KCNQ1: variants seen among roughly 807,000 people sequenced by gnomAD.
KCNQ1 encodes the protein potassium voltage-gated channel subfamily Q member 1, also known as potassium voltage-gated channel subfamily KQT member 1.
In KCNQ1, 49 loss-of-function variants were observed where a neutral mutation model predicts 72.4. The ratio of observed to expected loss-of-function variants is 0.68; its 90% confidence interval spans 0.54 to 0.86. The LOEUF is 0.86. KCNQ1 is among the 40% of genes least tolerant of loss of function. The probability of loss-of-function intolerance (pLI) is 0.00; values close to 1 mark genes in which losing one functional copy is unlikely to be tolerated. For synonymous variants in KCNQ1, 450 were observed against 412.6 expected (o/e 1.09, Z -1.10); for missense variants, 790 against 945.1 (o/e 0.84, Z 2.15).
At chr11:2,692,262 A>G (rs558247294) in intron 11 of KCNQ1, 1 of 398,976 alleles carries the variant, frequency 2.5e-6, no homozygotes, top group South Asian at 1.3e-4. Context: ...AGCCAGGCTT[A>G]CTTCACCCAT....
chr11:2,667,586 C>A (rs1184307824), intron 11 of KCNQ1: 2 of 22,098 alleles, frequency 9.1e-5, no homozygotes, highest in African/African-American at 1.9e-4. Flanking sequence ...GGGGTCGGGG[C>A]GGGGTTGGGC....
chr11:2,677,532 C>CA lies in KCNQ1; in HGVS notation c.1514+15453dup. 2.5e-6 allele frequency: 1 copy of CA among 398,406 alleles called. No individual in the cohort carries two copies. The highest frequency in any genetic ancestry group is 3.6e-5 in the East Asian group (1 of 28,064). The allele number at this position is 398,406 out of a possible 1,614,324, so 24.7% of individuals were successfully genotyped here. Reference sequence around the variant, plus strand: ...TGGAAGTGCTGCCAACATCCTCTGCCAAGTATAAAAGATGCCCTCAGATGT... The same window carrying CA: ...TGGAAGTGCTGCCAACATCCTCTGCCAAAGTATAAAAGATGCCCTCAGATGT... On this transcript the variant is annotated intron_variant, in intron 11 of 15. Coordinates refer to ENST00000155840, the MANE Select transcript of KCNQ1 (RefSeq NM_000218.3). The surrounding 1 kb of genome is among the most constrained non-coding windows in gnomAD (Gnocchi z 4.5).
intron 11 of KCNQ1, among the ~76,000 whole-genome samples, chr11:2,732,757 A>G (rs1252566901): frequency 1.3e-5 from 2 of 151,850 alleles, no homozygotes; most frequent in Non-Finnish European, 2.9e-5. Flanking sequence ...TTGAACAAAC[A>G]TATTTATTGT....
intron 10 of KCNQ1, among the ~76,000 whole-genome samples, chr11:2,604,483 CAAAA>C (rs924239109): frequency 3.3e-5 from 5 of 151,314 alleles, no homozygotes; most frequent in African/African-American, 1.2e-4. Flanking sequence ...TTCAAAAAAA[CAAAA>C]AGAAAGGAAG....
intron 1 of KCNQ1, among the ~76,000 whole-genome samples, chr11:2,452,711 C>T (rs1448594188): frequency 3.3e-5 from 5 of 152,218 alleles, no homozygotes; most frequent in African/African-American, 9.6e-5. Flanking sequence ...ATAAAACATA[C>T]AGCTTTGCTA....
Position 2,526,210 on chromosome 11 carries a change from A to G in KCNQ1, c.387-1718A>G, listed in dbSNP as rs1353825914. Among the ~76,000 whole-genome samples the G allele has an allele frequency of 1.3e-5, 2 of 152,038 alleles. No homozygotes were observed. The highest frequency in any genetic ancestry group is 1.9e-4 in the East Asian group (1 of 5,176). On this transcript the variant is annotated intron_variant, in intron 1 of 15. Transcript: ENST00000155840. This position sits in a 1 kb window ranked among gnomAD's most constrained non-coding sequence, Gnocchi z 6.1. ...TACTGGGGCACGACATGGAGGGTTC[A>G]CTGACTGGCTGGGTGTGTGGGCTGG... is the stretch of plus-strand genomic sequence containing the variant.
chr11:2,527,764 C>T (rs948638595), intron 1 of KCNQ1, among the ~76,000 whole-genome samples, 164 bp from the exon 2 acceptor site: 1 of 152,256 alleles, frequency 6.6e-6, no homozygotes, highest in African/African-American at 2.4e-5. Flanking sequence ...TCGTGCGGAC[C>T]TACCTCTAGT....
rs1849795649 is a variant in KCNQ1 at position 2,653,879 on chromosome 11, G to A, written c.1394-8082G>A. ...AACACTGCACACTAGGAGTGGGAAA[G>A]GAAGAGCCCCCTAAGGAAGATTTGA... On this transcript the variant is annotated intron_variant, in intron 10 of 15. Transcript: ENST00000155840. The surrounding 1 kb of genome is among the most constrained non-coding windows in gnomAD (Gnocchi z 5.3). 1 of 398,556 alleles carries A rather than the reference G, an allele frequency of 2.5e-6. No homozygotes were observed. The highest frequency in any genetic ancestry group is 2.1e-5 in the African/African-American group (1 of 48,636). The allele number at this position is 398,556 out of a possible 1,614,324, so 24.7% of individuals were successfully genotyped here. A position where few individuals can be genotyped will look rare whatever the true frequency, so the allele number is the denominator to read the frequency against.
At position 2,661,558 on chromosome 11, in the gene KCNQ1, G is replaced by A. The variant is rs1849956714; in HGVS notation, c.1394-403G>A. 3 of 543,318 alleles carry A rather than the reference G, an allele frequency of 5.5e-6. No individual in the cohort carries two copies. The highest frequency in any genetic ancestry group is 9.8e-6 in the Non-Finnish European group (3 of 306,418). 33.7% of individuals were successfully genotyped at this position (543,318 alleles called of 1,614,324 possible). ...GACCCACTACTCTGTCAATGTATGA[G>A]TGTGACAATGTATGGTGGTGGGAGC... On this transcript the variant is annotated intron_variant, in intron 10 of 15. Transcript: ENST00000155840. This position sits in a 1 kb window ranked among gnomAD's most constrained non-coding sequence, Gnocchi z 5.9.
intron 10 of KCNQ1, chr11:2,638,676 T>C (rs1197077911): frequency 1.3e-5 from 2 of 152,144 alleles, no homozygotes; most frequent in African/African-American, 4.8e-5. Flanking sequence ...TCTTGAGGAG[T>C]ATCTTTGTGG....
intron 2 of KCNQ1, among the ~76,000 whole-genome samples, chr11:2,557,979 T>A (rs1242202510): frequency 1.3e-5 from 2 of 152,184 alleles, no homozygotes; most frequent in Non-Finnish European, 2.9e-5. Flanking sequence ...TAACTGGCCA[T>A]GTTCTCTGAT....
intron 2 of KCNQ1, among the ~76,000 whole-genome samples, chr11:2,540,336 A>G (rs1340033879): frequency 6.6e-6 from 1 of 151,858 alleles, no homozygotes. Context: ...GAAGTGTGTC[A>G]TCATGTGACT....
chr11:2,846,918 G>A (rs1390552212), intron 15 of KCNQ1, among the ~76,000 whole-genome samples: 2 of 152,224 alleles, frequency 1.3e-5, no homozygotes, highest in African/African-American at 4.8e-5. Context: ...CAGCCACCCT[G>A]GCACATAGCT....
Position 2,473,077 on chromosome 11 carries a change from T to C in KCNQ1, c.386+27593T>C, listed in dbSNP as rs1846515056. On this transcript the variant is annotated intron_variant, in intron 1 of 15. Transcript: ENST00000155840. This position sits in a 1 kb window ranked among gnomAD's most constrained non-coding sequence, Gnocchi z 6.0. Reference sequence around the variant, plus strand: ...ATGTCCCTGAGTGGGGAGCGCCTTCTGGGCAGAGTGGCACACAGGGTCCCA... The same window carrying C: ...ATGTCCCTGAGTGGGGAGCGCCTTCCGGGCAGAGTGGCACACAGGGTCCCA... Among the ~76,000 whole-genome samples, 1 of 152,046 alleles carries C rather than the reference T, an allele frequency of 6.6e-6. No homozygotes were observed. Among genetic ancestry groups the C allele is most frequent in the Non-Finnish European group, 1.5e-5 (1 of 68,012 alleles).
At chr11:2,778,410 C>T (rs909906713) in intron 15 of KCNQ1, among the ~76,000 whole-genome samples, 1 of 152,226 alleles carries the variant, frequency 6.6e-6, no homozygotes, top group African/African-American at 2.4e-5. Context: ...GGCCTCACAT[C>T]CCAGCCTTCT....
intron 11 of KCNQ1, among the ~76,000 whole-genome samples, chr11:2,709,727 A>G (rs945622840): frequency 1.3e-5 from 2 of 152,160 alleles, no homozygotes; most frequent in African/African-American, 4.8e-5. Context: ...ACATAGCTGG[A>G]ATCACACACT....
chr11:2,807,108 G>T lies in KCNQ1; in HGVS notation c.1794+29071G>T, dbSNP rs74922064. Among the ~76,000 whole-genome samples the T allele has an allele frequency of 5.8e-4, 89 of 152,386 alleles. No homozygotes were observed. The East Asian group carries it at 0.014, about 24-fold the overall frequency. ...ATGAAGTAAATGGGACGATGAAGGG[G>T]CAGTGTTTAAATGGCTGCTTTAGCC... On this transcript the variant is annotated intron_variant, in intron 15 of 15. Coordinates refer to ENST00000155840, the MANE Select transcript of KCNQ1 (RefSeq NM_000218.3).
chr11:2,587,784 G>A (rs1848616033), intron 9 of KCNQ1, 92 bp downstream of exon 9: 8 of 1,569,380 alleles, frequency 5.1e-6, no homozygotes, highest in Non-Finnish European at 7.0e-6. Flanking sequence ...ATCTCACCAT[G>A]CATTTGGCTT....
chr11:2,693,174 A>G (rs376801840), intron 11 of KCNQ1: 5 of 398,562 alleles, frequency 1.3e-5, no homozygotes, highest in South Asian at 1.3e-4. Flanking sequence ...CCACTCATGA[A>G]TATCTGGTCT....
Sources: allele counts gnomAD v4.1 joint callset (sites outside exome capture counted in the v4.1 genomes callset), GRCh38; gene constraint gnomAD v4.1.1; non-coding constraint Gnocchi (gnomAD v3.1); transcripts MANE v1.5; gene names NCBI Gene and HGNC (gene_info 2026-07-23, HGNC 2026-07-21).